GABRA5: variants seen among roughly 807,000 people sequenced by gnomAD.
GABRA5 encodes gamma-aminobutyric acid receptor subunit alpha-5.
In GABRA5, 18 loss-of-function variants were observed where a neutral mutation model predicts 47.3. That is an observed-to-expected ratio of 0.38 (90% confidence interval 0.26 to 0.56). The LOEUF is 0.56. Among genes scored for constraint, GABRA5 ranks in the 20% least tolerant of loss-of-function variants. The pLI is 0.71. For missense variants in GABRA5, 365 were observed against 599.3 expected (o/e 0.61, Z 4.08); for synonymous variants, 237 against 229.3 (o/e 1.03, Z -0.30).
intron 6 of GABRA5, among the ~76,000 whole-genome samples, chr15:26,894,454 C>T (rs1022019450): frequency 2.8e-4 from 42 of 152,210 alleles, no homozygotes; most frequent in East Asian, 1.2e-3. Flanking sequence ...GCCCCTCCTT[C>T]CCCCCGGGCT....
intron 6 of GABRA5, among the ~76,000 whole-genome samples, chr15:26,911,398 A>ACACACACACACACACACAC (rs1566877398): frequency 1.0e-5 from 1 of 96,782 alleles, no homozygotes; most frequent in Non-Finnish European, 2.1e-5. Context: ...CACACACACA[A>ACACACACACACACACACAC]ACACACACAC....
At chr15:26,937,445 C>T in intron 8 of GABRA5, 117 bp downstream of exon 8, 1 of 1,067,806 alleles carries the variant, frequency 9.4e-7, no homozygotes, top group Non-Finnish European at 1.3e-6. Flanking sequence ...ACAGCAGCCT[C>T]CCACACAACC....
chr15:26,884,703 G>A (rs901120946), intron 6 of GABRA5, among the ~76,000 whole-genome samples: 3 of 151,182 alleles, frequency 2.0e-5, no homozygotes, highest in Non-Finnish European at 4.4e-5. Flanking sequence ...GATTAAAGGG[G>A]AAAAAAAAAT....
intron 7 of GABRA5, among the ~76,000 whole-genome samples, chr15:26,930,568 C>T (rs1451474657): frequency 1.3e-5 from 2 of 152,146 alleles, no homozygotes; most frequent in Non-Finnish European, 2.9e-5. Flanking sequence ...CATTTTTTGT[C>T]TGAGACCTCA....
intron 7 of GABRA5, among the ~76,000 whole-genome samples, chr15:26,932,913 AG>A (rs1894143138): frequency 6.6e-6 from 1 of 152,138 alleles, no homozygotes; most frequent in African/African-American, 2.4e-5. Context: ...AGATGGACAC[AG>A]GGTGGGGAAT....
intron 6 of GABRA5, among the ~76,000 whole-genome samples, chr15:26,913,782 T>C (rs550505135): frequency 6.6e-6 from 1 of 152,244 alleles, no homozygotes; most frequent in African/African-American, 2.4e-5. Flanking sequence ...AGCACCACAG[T>C]GTGGCGGCTC....
rs981738887 is a variant in GABRA5 at position 26,883,406 on chromosome 15, C to A, written c.346C>A (p.Gln116Lys). Residue 116 changes from glutamine (Q) to lysine (K), a missense_variant, in exon 6 of 11, where the codon CAG becomes AAG. Transcript: ENST00000335625. This position sits in a 1 kb window ranked among gnomAD's most constrained non-coding sequence, Gnocchi z 4.8. ...AAGGCTTCGGTTTAAGGGGCCCATG[C>A]AGCGCCTCCCTCTCAACAACCTCCT... ...DERLRFKGPM[Q>K]RLPLNNLLAS... is the part of the protein sequence containing the mutation. The A allele has an allele frequency of 6.2e-7, 1 of 1,614,064 alleles. No homozygotes were observed. Among genetic ancestry groups the A allele is most frequent in the African/African-American group, 1.3e-5 (1 of 75,050 alleles).
rs575471713 is a variant in GABRA5 at position 26,877,061 on chromosome 15, C to A, written c.87-3785C>A. ...GAACCTCCATGAAGATTGAGGAATA[C>A]ACTTCAGTAGGATTTCAGGAGCTGC... is the stretch of plus-strand genomic sequence containing the variant. On this transcript the variant is annotated intron_variant, in intron 3 of 10. Transcript: ENST00000335625. 2.0e-5 allele frequency among the ~76,000 whole-genome samples: 3 copies of A among 152,294 alleles called. No homozygotes were observed. The East Asian group carries it at 5.8e-4, about 30-fold the overall frequency.
At chr15:26,934,428 C>T (rs1463719707) in intron 7 of GABRA5, among the ~76,000 whole-genome samples, 3 of 152,126 alleles carry the variant, frequency 2.0e-5, no homozygotes, top group Non-Finnish European at 2.9e-5. Context: ...GTCACACAGT[C>T]GCCGGAGCTT....
chr15:26,878,754 A>G, intron 3 of GABRA5, among the ~76,000 whole-genome samples: 1 of 152,246 alleles, frequency 6.6e-6, no homozygotes, highest in East Asian at 1.9e-4. Context: ...ATGTGTGTAG[A>G]TATACTGAAA....
intron 6 of GABRA5, among the ~76,000 whole-genome samples, chr15:26,904,524 T>C (rs1310226000): frequency 6.6e-6 from 1 of 152,086 alleles, no homozygotes; most frequent in African/African-American, 2.4e-5. Context: ...GTTGATAGGA[T>C]ACAGCATTGA....
In GABRA5 at chr15:26,948,314, C is replaced by G. The variant is rs1287238157; in HGVS notation, c.*81C>G. On this transcript the variant is annotated 3_prime_UTR_variant, in exon 11 of 11. Coordinates refer to ENST00000335625, the MANE Select transcript of GABRA5 (RefSeq NM_000810.4). ...GAGAGGTCTTGCTCACAGGGACTCT[C>G]CATATGTGAGCACTATCTTTCAGGA... 50 of 1,329,496 alleles carry G rather than the reference C, an allele frequency of 3.8e-5. No individual in the cohort carries two copies. Among genetic ancestry groups the G allele is most frequent in the Non-Finnish European group, 5.0e-5 (49 of 972,424 alleles). The allele number at this position is 1,329,496 out of a possible 1,614,324, so 82.4% of individuals were successfully genotyped here.
At chr15:26,943,486 T>G (rs1595438539) in intron 10 of GABRA5, 60 bp downstream of exon 10, 1 of 1,436,116 alleles carries the variant, frequency 7.0e-7, no homozygotes, top group East Asian at 2.5e-5. Context: ...TGTGCCTGAT[T>G]CTATCCAAAC....
intron 6 of GABRA5, among the ~76,000 whole-genome samples, chr15:26,911,581 G>A (rs981726475): frequency 2.6e-5 from 4 of 152,132 alleles, no homozygotes; most frequent in African/African-American, 4.8e-5. Context: ...ATAAACACAC[G>A]GTATTGGCCA....
At chr15:26,916,760 T>C (rs1893725884) in intron 7 of GABRA5, among the ~76,000 whole-genome samples, 1 of 152,108 alleles carries the variant, frequency 6.6e-6, no homozygotes, top group Non-Finnish European at 1.5e-5. Flanking sequence ...CACTATTTTG[T>C]AGTTTTCAGT....
At chr15:26,912,141 C>G (rs1893611565) in intron 6 of GABRA5, among the ~76,000 whole-genome samples, 1 of 152,222 alleles carries the variant, frequency 6.6e-6, no homozygotes, top group African/African-American at 2.4e-5. Flanking sequence ...GCATGCCTCT[C>G]CTGATCAGAA....
At chr15:26,906,463 T>G (rs1421475732) in intron 6 of GABRA5, among the ~76,000 whole-genome samples, 1 of 152,174 alleles carries the variant, frequency 6.6e-6, no homozygotes, top group Non-Finnish European at 1.5e-5. Context: ...ACTTTGGGTC[T>G]TTTTAGGTAT....
At position 26,947,986 on chromosome 15, in the gene GABRA5, A is replaced by G. The variant is rs1401283864; in HGVS notation, c.1142A>G (p.Lys381Arg). Residue 381 changes from lysine (K) to arginine (R), a missense_variant, in exon 11 of 11, where the codon AAG becomes AGG. By Grantham distance (26) the Lys-to-Arg change is conservative. Transcript: ENST00000335625. ...TCAACAAACGCTTTTACAACTGGGA[A>G]GATGTCTCACCCCCCAAACATTCCG... ...NKSTNAFTTG[K>R]MSHPPNIPKE... The G allele has an allele frequency of 6.3e-7, 1 of 1,596,778 alleles. No individual in the cohort carries two copies. Among genetic ancestry groups the G allele is most frequent in the East Asian group, 2.3e-5 (1 of 44,400 alleles).
rs1215255293 is a variant in GABRA5 at position 26,867,948 on chromosome 15, A to T, written c.-139-781A>T. The T allele has an allele frequency of 6.6e-6, 1 of 151,858 alleles. No individual in the cohort carries two copies. Among genetic ancestry groups the T allele is most frequent in the Non-Finnish European group, 1.5e-5 (1 of 67,954 alleles). 9.4% of individuals were successfully genotyped at this position (151,858 alleles called of 1,614,324 possible). A position where few individuals can be genotyped will look rare whatever the true frequency, so the allele number is the denominator to read the frequency against. On this transcript the variant is annotated intron_variant, in intron 1 of 10. Coordinates refer to ENST00000335625, the MANE Select transcript of GABRA5 (RefSeq NM_000810.4). The surrounding 1 kb of genome is among the most constrained non-coding windows in gnomAD (Gnocchi z 5.9). ...GGCAGGAGCAGGGGAAGTCTGCGAA[A>T]GCCGGGAGCGAGCCGGGGAGGGCCG...
Sources: allele counts gnomAD v4.1 joint callset (sites outside exome capture counted in the v4.1 genomes callset), GRCh38; gene constraint gnomAD v4.1.1; non-coding constraint Gnocchi (gnomAD v3.1); transcripts MANE v1.5; gene names NCBI Gene and HGNC (gene_info 2026-07-23, HGNC 2026-07-21).